CRB1: variants seen among roughly 807,000 people sequenced by gnomAD.
CRB1 encodes the protein protein crumbs homolog 1.
CRB1 carries 83 observed loss-of-function variants against 120.0 expected under a neutral mutation model. That is an observed-to-expected ratio of 0.69 (90% CI 0.58 to 0.83). The LOEUF (loss-of-function observed/expected upper bound fraction) is 0.83, where lower values mean the gene tolerates loss of function less well. Ranked by LOEUF, CRB1 falls within the 40% of genes least tolerant of loss-of-function variation. The pLI is 0.00. For synonymous variants in CRB1, 625 were observed against 612.5 expected (o/e 1.02, Z -0.30); for missense variants, 1,699 against 1,687.6 (o/e 1.01, Z -0.12).
chr1:197,413,826 C>T (rs1036368694), intron 5 of CRB1: 1 of 434,628 alleles, frequency 2.3e-6, no homozygotes, highest in South Asian at 1.6e-5. Flanking sequence ...ATACTCTCTA[C>T]CTGCGAGAAA....
intron 2 of CRB1, among the ~76,000 whole-genome samples, chr1:197,343,551 T>A (rs993038283): frequency 6.6e-6 from 1 of 152,118 alleles, no homozygotes; most frequent in African/African-American, 2.4e-5. Context: ...AATTACATTG[T>A]CACCAGTTTT....
rs35012815 is a variant in CRB1, at chr1:197,476,362, TTGTGTGTGTGTG to T, written c.4006-1277_4006-1266del. Among the ~76,000 whole-genome samples the T allele has an allele frequency of 5.3e-4, 74 of 140,496 alleles. 1 individual carries two copies. Among genetic ancestry groups the T allele is most frequent in the African/African-American group, 1.6e-3 (63 of 39,060 alleles). The allele number at this position is 140,496 out of a possible 152,430, so 92.2% of individuals were successfully genotyped here. A position where few individuals can be genotyped will look rare whatever the true frequency, so the allele number is the denominator to read the frequency against. ...CCTATCTGTAATGTATTATGATTAT[TTGTGTGTGTGTG>T]TGTGTGTGTGTGTGTGTGTGTGTGC... On this transcript the variant is annotated intron_variant, in intron 11 of 11. Transcript: ENST00000367400.
chr1:197,329,742 T>C (rs1658741031), intron 2 of CRB1, among the ~76,000 whole-genome samples: 1 of 152,240 alleles, frequency 6.6e-6, no homozygotes, highest in Admixed American at 6.5e-5. Context: ...TGCTTTGCTT[T>C]ATTCTTTGGC....
At chr1:197,265,525 A>G (rs1424572124), upstream of CRB1, among the ~76,000 whole-genome samples, 1 of 151,990 alleles carries the variant, frequency 6.6e-6, no homozygotes, top group Non-Finnish European at 1.5e-5. Flanking sequence ...TGTTGAGCTC[A>G]CTTACATATT....
intron 2 of CRB1, among the ~76,000 whole-genome samples, chr1:197,331,878 A>G (rs1463746701): frequency 1.3e-5 from 2 of 152,148 alleles, no homozygotes; most frequent in Admixed American, 1.3e-4. Flanking sequence ...TTTAGGCATA[A>G]AAGATGGAAA....
intron 5 of CRB1, among the ~76,000 whole-genome samples, chr1:197,409,908 T>C (rs1663612528): frequency 6.6e-6 from 1 of 152,054 alleles, no homozygotes; most frequent in African/African-American, 2.4e-5. Flanking sequence ...CTCAGCCTCC[T>C]CAGTAGCTGG....
chr1:197,442,322 C>T, intron 11 of CRB1, 30 bp downstream of exon 11: 7 of 1,614,078 alleles, frequency 4.3e-6, no homozygotes, highest in Non-Finnish European at 5.1e-6. Context: ...ATGTCTCTCT[C>T]TTATTCTGGC....
At chr1:197,415,877 C>T (rs1450920961) in intron 5 of CRB1, among the ~76,000 whole-genome samples, 5 of 152,182 alleles carry the variant, frequency 3.3e-5, no homozygotes, top group Non-Finnish European at 7.4e-5. Flanking sequence ...CTCCTGATCT[C>T]GTGATCCGCC....
rs1662397315 is a variant in CRB1 at position 197,389,706 on chromosome 1, C to T, written c.1172-31294C>T. Among the ~76,000 whole-genome samples the T allele has an allele frequency of 5.7e-5, 8 of 139,274 alleles. No homozygotes were observed. In the Admixed American group the frequency reaches 5.8e-4, roughly 10 times the overall value. 91.4% of individuals were successfully genotyped at this position (139,274 alleles called of 152,430 possible). A position where few individuals can be genotyped will look rare whatever the true frequency, so the allele number is the denominator to read the frequency against. ...TCAATTTTATGTTATGTATATTTTA[C>T]CACAATAAAAAAATTGGATAGGGCT... On this transcript the variant is annotated intron_variant, in intron 5 of 11. Transcript: ENST00000367400.
chr1:197,370,159 T>C (rs1246924124), intron 5 of CRB1, among the ~76,000 whole-genome samples: 1 of 151,932 alleles, frequency 6.6e-6, no homozygotes, highest in African/African-American at 2.4e-5. Context: ...CTCTAAATCT[T>C]GAAACAGAAC....
At chr1:197,276,306 A>G (rs1210612210) in intron 1 of CRB1, among the ~76,000 whole-genome samples, 3 of 151,906 alleles carry the variant, frequency 2.0e-5, no homozygotes, top group East Asian at 1.9e-4. Flanking sequence ...GAGGCAACCA[A>G]TGTAAAGTTA....
intron 2 of CRB1, among the ~76,000 whole-genome samples, chr1:197,339,322 ACT>A (rs1328569980): frequency 2.0e-5 from 3 of 152,198 alleles, no homozygotes; most frequent in Non-Finnish European, 4.4e-5. Flanking sequence ...TAAATCTATC[ACT>A]ATAATGAAAA....
At chr1:197,412,816 A>G (rs1158814539) in intron 5 of CRB1, among the ~76,000 whole-genome samples, 1 of 152,234 alleles carries the variant, frequency 6.6e-6, no homozygotes, top group East Asian at 1.9e-4. Context: ...TTAAATATGA[A>G]TGAATAATAA....
At chr1:197,218,790 A>G in the CRB1 span, among the ~76,000 whole-genome samples, 1 of 152,334 alleles carries the variant, frequency 6.6e-6, no homozygotes, top group Admixed American at 6.5e-5. Flanking sequence ...CTGGAGAACA[A>G]AGAGAGGAGG....
At chr1:197,285,893 AATTT>A (rs1655795890) in intron 1 of CRB1, among the ~76,000 whole-genome samples, 1 of 151,946 alleles carries the variant, frequency 6.6e-6, no homozygotes, top group African/African-American at 2.4e-5. Flanking sequence ...ATTACTAGTT[AATTT>A]ATTTAGTTAT....
chr1:197,420,534 G>T (rs887822260), intron 5 of CRB1, among the ~76,000 whole-genome samples: 1 of 152,128 alleles, frequency 6.6e-6, no homozygotes, highest in South Asian at 2.1e-4. Context: ...AGGAATTATG[G>T]GGAAGTATAA....
intron 5 of CRB1, among the ~76,000 whole-genome samples, chr1:197,406,001 G>A (rs1018858987): frequency 6.8e-6 from 1 of 146,764 alleles, no homozygotes; most frequent in African/African-American, 2.5e-5. Flanking sequence ...GGAGGTGAGG[G>A]GCGCCTCTGC....
intron 10 of CRB1, 108 bp from the exon 11 acceptor site, chr1:197,442,058 A>G: frequency 8.1e-7 from 1 of 1,229,190 alleles, no homozygotes; most frequent in South Asian, 1.2e-5. Flanking sequence ...GTGGATGGGT[A>G]GATAAGACTG....
rs140643134 is a variant in CRB1 at position 197,281,554 on chromosome 1, C to T, written c.70+13072C>T. On this transcript the variant is annotated intron_variant, in intron 1 of 11. Transcript: ENST00000367400. ...CTTTAAATAGGAACCCTGGCATGCT[C>T]AGACTTGGCCAGAATGAGAAGGGAA... Among the ~76,000 whole-genome samples, 13 of 151,846 alleles carry T rather than the reference C, an allele frequency of 8.6e-5. No individual in the cohort carries two copies. In the South Asian group the frequency reaches 2.5e-3, roughly 29 times the overall value.
Sources: allele counts gnomAD v4.1 joint callset (sites outside exome capture counted in the v4.1 genomes callset), GRCh38; gene constraint gnomAD v4.1.1; transcripts MANE v1.5; gene names NCBI Gene and HGNC (gene_info 2026-07-23, HGNC 2026-07-21).